Variants in RORB observed in about 807,000 individuals in gnomAD.
RORB encodes nuclear receptor ROR-beta.
Under a neutral mutation model 59.1 loss-of-function variants are expected in RORB, and 6 were observed. That is an observed-to-expected ratio of 0.10 (90% confidence interval 0.06 to 0.20). The LOEUF (loss-of-function observed/expected upper bound fraction) is 0.20, where lower values mean the gene tolerates loss of function less well. Among genes scored for constraint, RORB ranks in the 10% least tolerant of loss-of-function variants. RORB has a pLI of 1.00. For missense variants in RORB, 320 were observed against 560.5 expected, an observed-to-expected ratio of 0.57 and a Z score of 4.33; for synonymous variants, 215 against 204.5, an observed-to-expected ratio of 1.05 and a Z score of -0.44.
At chr9:74,501,912 C>T (rs933177891) in intron 1 of RORB, among the ~76,000 whole-genome samples, 11 of 152,258 alleles carry the variant, frequency 7.2e-5, no homozygotes, top group African/African-American at 2.2e-4. Flanking sequence ...ATTAAAACTC[C>T]TTTCTTGGCA....
At chr9:74,532,398 G>A (rs1826255014) in intron 1 of RORB, among the ~76,000 whole-genome samples, 1 of 151,780 alleles carries the variant, frequency 6.6e-6, no homozygotes, top group East Asian at 2.0e-4. Flanking sequence ...TTCCTCAAAA[G>A]CCTATTTTAG....
intron 2 of RORB, among the ~76,000 whole-genome samples, chr9:74,630,835 AGAAAAG>A (rs1308400385): frequency 6.8e-6 from 1 of 146,762 alleles, no homozygotes. Flanking sequence ...GGAAAAAAAA[AGAAAAG>A]AAAAGAAAAG....
chr9:74,591,887 A>T (rs1822901339), intron 1 of RORB, among the ~76,000 whole-genome samples: 1 of 152,058 alleles, frequency 6.6e-6, no homozygotes, highest in African/African-American at 2.4e-5. Flanking sequence ...CTGAAATGTT[A>T]TATGGGGAGT....
intron 1 of RORB, among the ~76,000 whole-genome samples, chr9:74,504,109 T>TTAA: frequency 6.6e-6 from 1 of 152,054 alleles, no homozygotes; most frequent in East Asian, 1.9e-4. Context: ...TACGTGGCCA[T>TTAA]TAATATCTCA....
intron 1 of RORB, among the ~76,000 whole-genome samples, chr9:74,622,978 C>CG (rs1382319663): frequency 6.6e-6 from 1 of 152,094 alleles, no homozygotes; most frequent in Non-Finnish European, 1.5e-5. Context: ...CATAAATATC[C>CG]ATCATGACCA....
chr9:74,643,792 C>G (rs1353470229), intron 4 of RORB, among the ~76,000 whole-genome samples: 2 of 152,146 alleles, frequency 1.3e-5, no homozygotes, highest in Admixed American at 6.5e-5. Flanking sequence ...AAGGGCTCTG[C>G]CCAAAGAGGT....
chr9:74,556,747 T>C (rs1291522246), intron 1 of RORB, among the ~76,000 whole-genome samples: 2 of 152,192 alleles, frequency 1.3e-5, no homozygotes, highest in Non-Finnish European at 2.9e-5. Flanking sequence ...GGGTGCTTTG[T>C]GTGCTGGGGA....
chr9:74,587,607 A>G (rs764480196), intron 1 of RORB, among the ~76,000 whole-genome samples: 1 of 152,194 alleles, frequency 6.6e-6, no homozygotes, highest in African/African-American at 2.4e-5. Context: ...CTAGGGACGG[A>G]TGATCCAGGA....
intron 1 of RORB, among the ~76,000 whole-genome samples, chr9:74,500,302 A>AT (rs1365726028): frequency 6.6e-6 from 1 of 151,802 alleles, no homozygotes; most frequent in African/African-American, 2.4e-5. Flanking sequence ...ACCTCTTCAT[A>AT]TTTTCCCCGG....
In RORB at chr9:74,606,414, A is replaced by G. The variant is rs145507954; in HGVS notation, c.8-23868A>G. On this transcript the variant is annotated intron_variant, in intron 1 of 9. Coordinates refer to ENST00000376896, the MANE Select transcript of RORB (RefSeq NM_006914.4). ...ATGTGAATTGTTCATGTGGTTTTAT[A>G]TTCCACATTTGTTTCTCATTCTGTT... Among the ~76,000 whole-genome samples, 285 of 152,326 alleles carry G rather than the reference A, an allele frequency of 1.9e-3. 2 individuals are homozygous for G. Among genetic ancestry groups the G allele is most frequent in the African/African-American group, 6.4e-3 (267 of 41,578 alleles).
chr9:74,649,935 C>T (rs1374489449), intron 4 of RORB, among the ~76,000 whole-genome samples: 2 of 152,120 alleles, frequency 1.3e-5, no homozygotes, highest in Non-Finnish European at 2.9e-5. Context: ...CAGTGTATTT[C>T]TCCTGGAGAT....
At position 74,573,797 on chromosome 9, in the gene RORB, G is replaced by C. The variant is rs139515428; in HGVS notation, c.8-56485G>C. ...GATGAGAGGGAAAGGGTAGGGAAGG[G>C]AGACGGAATTTCTGTCCTCAGGTGC... On this transcript the variant is annotated intron_variant, in intron 1 of 9. Transcript: ENST00000376896. Among the ~76,000 whole-genome samples the C allele has an allele frequency of 2.6e-3, 403 of 152,230 alleles. 2 individuals are homozygous for C. Among genetic ancestry groups the C allele is most frequent in the African/African-American group, 9.2e-3 (382 of 41,540 alleles).
intron 3 of RORB, among the ~76,000 whole-genome samples, chr9:74,640,106 G>T (rs950857160): frequency 6.6e-6 from 1 of 152,154 alleles, no homozygotes; most frequent in Non-Finnish European, 1.5e-5. Context: ...AGATGGAAAG[G>T]GGAGTTTAGT....
intron 9 of RORB, among the ~76,000 whole-genome samples, chr9:74,680,705 G>A (rs1824533748): frequency 6.6e-6 from 1 of 152,186 alleles, no homozygotes; most frequent in African/African-American, 2.4e-5. Flanking sequence ...AAATGGACAT[G>A]TGAAATTGAT....
intron 4 of RORB, among the ~76,000 whole-genome samples, chr9:74,654,645 T>C (rs995575994): frequency 2.0e-5 from 3 of 152,236 alleles, no homozygotes; most frequent in African/African-American, 7.2e-5. Context: ...CAGAAGTATA[T>C]TTACCAATAT....
intron 1 of RORB, among the ~76,000 whole-genome samples, chr9:74,544,142 C>T (rs1012497375): frequency 3.3e-5 from 5 of 152,246 alleles, no homozygotes; most frequent in Admixed American, 2.0e-4. Context: ...CCTCTGTTGC[C>T]GCCTCCTCCA....
At chr9:74,612,852 C>CA (rs374621845) in intron 1 of RORB, among the ~76,000 whole-genome samples, 2,092 of 150,402 alleles carry the variant, frequency 0.014, 32 homozygotes, top group African/African-American at 0.041. Context: ...TGCTTTCTGA[C>CA]AAAAAAAAAG....
intron 1 of RORB, among the ~76,000 whole-genome samples, chr9:74,549,322 T>C (rs1296989544): frequency 6.6e-6 from 1 of 151,354 alleles, no homozygotes. Context: ...CAGGCGCCTG[T>C]AATCCCAGCT....
chr9:74,603,408 CAG>C (rs1269024989), intron 1 of RORB, among the ~76,000 whole-genome samples: 3 of 152,142 alleles, frequency 2.0e-5, no homozygotes, highest in Non-Finnish European at 2.9e-5. Context: ...AAGTTGGACA[CAG>C]AGAGGTTGAT....
Sources: gnomAD v4.1 joint callset for allele counts (sites outside exome capture counted in the v4.1 genomes callset) on GRCh38, gnomAD v4.1.1 for gene constraint, MANE v1.5 for transcripts, NCBI Gene and HGNC (gene_info 2026-07-23, HGNC 2026-07-21) for gene names.